Variants in PCCB observed in about 807,000 individuals in gnomAD.
PCCB encodes propionyl-CoA carboxylase beta chain, mitochondrial.
Under a neutral mutation model 60.7 loss-of-function variants are expected in PCCB, and 43 were observed. The observed-to-expected ratio is 0.71, with a 90% CI of 0.55 to 0.91. PCCB has a LOEUF of 0.91. PCCB is among the 40% of genes least tolerant of loss of function. The pLI is 0.00. For synonymous variants in PCCB, 276 were observed against 255.9 expected, an observed-to-expected ratio of 1.08 and a Z score of -0.75; for missense variants, 766 against 702.8, an observed-to-expected ratio of 1.09 and a Z score of -1.02.
chr3:136,317,105 G>GGCCAGGGAA (rs1328309595), intron 10 of PCCB, 41 bp downstream of exon 10: 1 of 1,612,256 alleles, frequency 6.2e-7, no homozygotes, highest in Non-Finnish European at 8.5e-7. Context: ...TGGGGTTGGA[G>GGCCAGGGAA]GCCAGGGAAG....
chr3:136,315,052 G>A (rs866963271), intron 9 of PCCB, among the ~76,000 whole-genome samples: 6 of 152,060 alleles, frequency 3.9e-5, no homozygotes, highest in Middle Eastern at 3.2e-3. Flanking sequence ...CAAATTAACT[G>A]GTCTGTTGTC....
intron 10 of PCCB, among the ~76,000 whole-genome samples, chr3:136,323,679 C>T (rs771654539): frequency 8.6e-5 from 13 of 151,820 alleles, no homozygotes; most frequent in Non-Finnish European, 1.6e-4. Flanking sequence ...CAGCTACTTA[C>T]GAGGCCGAGG....
intron 9 of PCCB, among the ~76,000 whole-genome samples, chr3:136,313,447 A>G (rs1934748287): frequency 1.3e-5 from 2 of 152,194 alleles, no homozygotes; most frequent in Non-Finnish European, 2.9e-5. Flanking sequence ...TTCCCAGGAC[A>G]TATTAAGTGA....
chr3:136,327,256 G>T lies in PCCB; in HGVS notation c.1299+1G>T. The T allele has an allele frequency of 6.2e-7, 1 of 1,611,504 alleles. No homozygotes were observed. The highest frequency in any genetic ancestry group is 1.1e-5 in the South Asian group (1 of 91,024). On this transcript the variant is annotated splice_donor_variant, in intron 12 of 14. Coordinates refer to ENST00000251654, the MANE Select transcript of PCCB (RefSeq NM_000532.5). LOFTEE classifies it high-confidence loss of function. ...CAAAGTCACAGTCATCACCAGGAAG[G>T]TGAGGACCTCATGTTGGAGGCCATG... is the stretch of plus-strand genomic sequence containing the variant.
chr3:136,286,701 C>T (rs1157215673), intron 6 of PCCB, among the ~76,000 whole-genome samples: 1 of 152,192 alleles, frequency 6.6e-6, no homozygotes, highest in Non-Finnish European at 1.5e-5. Flanking sequence ...GATTCAAGCA[C>T]ATCATTTCCC....
chr3:136,251,269 A>C, intron 1 of PCCB: 1 of 456,682 alleles, frequency 2.2e-6, no homozygotes, highest in South Asian at 1.5e-5. Context: ...TTCAGAGATA[A>C]GCTGGGCGGC....
At chr3:136,278,084 A>G (rs1942380349) in intron 5 of PCCB, among the ~76,000 whole-genome samples, 1 of 152,194 alleles carries the variant, frequency 6.6e-6, no homozygotes, top group Non-Finnish European at 1.5e-5. Context: ...GTGAGGTACA[A>G]TAAAGAATGG....
intron 1 of PCCB, chr3:136,255,491 A>G (rs1941648074): frequency 3.2e-6 from 1 of 314,942 alleles, no homozygotes; most frequent in African/African-American, 2.2e-5. Flanking sequence ...TTTAGTTTCC[A>G]CCACCTGCTT....
chr3:136,330,037 G>A lies in PCCB; in HGVS notation c.*11G>A. On this transcript the variant is annotated 3_prime_UTR_variant, in exon 15 of 15. Coordinates refer to ENST00000251654, the MANE Select transcript of PCCB (RefSeq NM_000532.5). ...AATATTCCATTGTAAACAAATCAAA[G>A]GAAAAGAAACCAAGAACTGAATTAC... is the stretch of plus-strand genomic sequence containing the variant. 1 of 1,613,894 alleles carries A rather than the reference G, an allele frequency of 6.2e-7. No individual in the cohort carries two copies. Among genetic ancestry groups the A allele is most frequent in the Non-Finnish European group, 8.5e-7 (1 of 1,179,904 alleles).
At chr3:136,263,129 A>G (rs1941871953) in intron 5 of PCCB, among the ~76,000 whole-genome samples, 1 of 149,644 alleles carries the variant, frequency 6.7e-6, no homozygotes, top group Non-Finnish European at 1.5e-5. Flanking sequence ...TAATTTTTGT[A>G]TTTTTAGTAG....
chr3:136,279,273 C>T (rs1232057025), intron 5 of PCCB, among the ~76,000 whole-genome samples: 5 of 152,040 alleles, frequency 3.3e-5, no homozygotes, highest in African/African-American at 1.2e-4. Flanking sequence ...AGAGTTTAAT[C>T]CATTTATACT....
At chr3:136,279,642 A>G (rs1448378352) in intron 5 of PCCB, among the ~76,000 whole-genome samples, 1 of 151,992 alleles carries the variant, frequency 6.6e-6, no homozygotes, top group Admixed American at 6.6e-5. Flanking sequence ...TTATTGTTTC[A>G]TGCATTTGCA....
intron 11 of PCCB, 22 bp downstream of exon 11, chr3:136,326,932 G>A (rs756464253): frequency 6.8e-7 from 1 of 1,479,312 alleles, no homozygotes; most frequent in South Asian, 1.1e-5. Flanking sequence ...ACAGAGTGGG[G>A]GCTAGGAGAG....
At position 136,294,075 on chromosome 3, in the gene PCCB, C is replaced by T. The variant is rs147032635; in HGVS notation, c.763+211C>T. 3.4e-3 allele frequency among the ~76,000 whole-genome samples: 511 copies of T among 152,130 alleles called. 7 individuals carry two copies. The East Asian group carries it at 0.047, about 14-fold the overall frequency. On this transcript the variant is annotated intron_variant, in intron 7 of 14. Coordinates refer to ENST00000251654, the MANE Select transcript of PCCB (RefSeq NM_000532.5). The stretch of plus-strand genomic sequence containing the variant: ...AGTATATAAAATTTATTAAATAACA[C>T]GCTATTAGTAATGCTTGGTTATTCT...
intron 5 of PCCB, among the ~76,000 whole-genome samples, chr3:136,262,665 G>T (rs1488955380): frequency 6.6e-6 from 1 of 152,230 alleles, no homozygotes; most frequent in African/African-American, 2.4e-5. Context: ...AAGAGGCTGG[G>T]ATGAGGGAGA....
chr3:136,299,476 ATGTG>A (rs1934107101), intron 8 of PCCB, among the ~76,000 whole-genome samples: 1 of 150,648 alleles, frequency 6.6e-6, no homozygotes, highest in South Asian at 2.1e-4. Flanking sequence ...ATAGGTATGC[ATGTG>A]TATGTATGTA....
intron 6 of PCCB, among the ~76,000 whole-genome samples, chr3:136,286,233 C>A: frequency 6.6e-6 from 1 of 152,156 alleles, no homozygotes; most frequent in Non-Finnish European, 1.5e-5. Flanking sequence ...GTCAGAGATA[C>A]CAGTGATTGC....
intron 10 of PCCB, among the ~76,000 whole-genome samples, chr3:136,319,386 A>ATTTT (rs796339351): frequency 5.1e-5 from 7 of 138,288 alleles, no homozygotes; most frequent in African/African-American, 1.6e-4. Flanking sequence ...TTGATACACA[A>ATTTT]TTTTTTTTTT....
chr3:136,274,677 G>A (rs1942295445), intron 5 of PCCB, among the ~76,000 whole-genome samples: 1 of 152,162 alleles, frequency 6.6e-6, no homozygotes, highest in Admixed American at 6.5e-5. Context: ...TCTCAGGCAA[G>A]GCCAGGGAAG....
Sources: gnomAD v4.1 joint callset for allele counts (sites outside exome capture counted in the v4.1 genomes callset) on GRCh38, gnomAD v4.1.1 for gene constraint, MANE v1.5 for transcripts, NCBI Gene and HGNC (gene_info 2026-07-23, HGNC 2026-07-21) for gene names.